GRIK2: variants seen among roughly 807,000 people sequenced by gnomAD.
GRIK2 encodes glutamate ionotropic receptor kainate type subunit 2.
A neutral mutation model predicts 100.3 loss-of-function variants in GRIK2; 32 were observed. That is an observed-to-expected ratio of 0.32 (90% CI 0.24 to 0.43). The LOEUF (loss-of-function observed/expected upper bound fraction) is 0.43, where lower values mean the gene tolerates loss of function less well. GRIK2 is among the 20% of genes least tolerant of loss of function. The pLI, the probability that GRIK2 is intolerant of heterozygous loss-of-function variation, is 1.00. For missense variants in GRIK2, 843 were observed against 1,114.9 expected (o/e 0.76, Z 3.47); for synonymous variants, 417 against 389.4 (o/e 1.07, Z -0.83).
intron 11 of GRIK2, among the ~76,000 whole-genome samples, chr6:101,877,000 T>G (rs1785897828): frequency 6.6e-6 from 1 of 151,948 alleles, no homozygotes; most frequent in Admixed American, 6.6e-5. Context: ...GTATGTAATA[T>G]GCATACAAAT....
chr6:101,454,591 A>G (rs566592656), intron 2 of GRIK2, among the ~76,000 whole-genome samples: 1 of 152,276 alleles, frequency 6.6e-6, no homozygotes, highest in African/African-American at 2.4e-5. Context: ...TCCAGCCATG[A>G]GACTGCTTGT....
intron 9 of GRIK2, among the ~76,000 whole-genome samples, chr6:101,812,643 G>T (rs1240415483): frequency 2.0e-5 from 3 of 151,868 alleles, no homozygotes; most frequent in Admixed American, 2.0e-4. Flanking sequence ...CATCCGTAGG[G>T]AATTAGTTTT....
intron 2 of GRIK2, among the ~76,000 whole-genome samples, chr6:101,590,066 A>C (rs1465876703): frequency 6.6e-6 from 1 of 152,138 alleles, no homozygotes; most frequent in Non-Finnish European, 1.5e-5. Flanking sequence ...CTCAGGATAC[A>C]TTTAGGCATA....
intron 2 of GRIK2, among the ~76,000 whole-genome samples, chr6:101,550,703 C>G (rs1228644508): frequency 6.6e-6 from 1 of 152,192 alleles, no homozygotes; most frequent in Non-Finnish European, 1.5e-5. Context: ...TTTTACCTTT[C>G]TAGTCAACAG....
At chr6:102,012,665 G>C (rs929015549) in intron 14 of GRIK2, among the ~76,000 whole-genome samples, 1 of 152,104 alleles carries the variant, frequency 6.6e-6, no homozygotes, top group Non-Finnish European at 1.5e-5. Context: ...TGCTATATAG[G>C]AAAGTAACTA....
intron 2 of GRIK2, among the ~76,000 whole-genome samples, chr6:101,593,828 G>A (rs867736850): frequency 6.6e-6 from 1 of 151,768 alleles, no homozygotes; most frequent in Non-Finnish European, 1.5e-5. Flanking sequence ...ACATCTGGGG[G>A]ATATTTCTTT....
chr6:101,859,400 A>G lies in GRIK2; in HGVS notation c.1431A>G (p.Thr477=), dbSNP rs1784613359. Residue 477 remains threonine, a synonymous_variant, in exon 11 of 17, where the codon ACA becomes ACG. Transcript: ENST00000369134. ...AGTTATCTACAATCCTTGGCTTTAC[A>G]TATGAAATTAGACTTGTGGAAGATG... ...LRELSTILGF[T]YEIRLVEDGK... 6.2e-7 allele frequency: 1 copy of G among 1,604,714 alleles called. No individual in the cohort carries two copies. Among genetic ancestry groups the G allele is most frequent in the African/African-American group, 1.3e-5 (1 of 74,874 alleles).
At chr6:101,519,300 CGTGTGTGTGTGTGTGTGTGTGT>C (rs55646921) in intron 2 of GRIK2, among the ~76,000 whole-genome samples, 5 of 141,064 alleles carry the variant, frequency 3.5e-5, no homozygotes, top group African/African-American at 1.3e-4. Context: ...CGGAGTTAAA[CGTGTGTGTGTGTGTGTGTGTGT>C]GTGTGTGTGT....
chr6:102,063,942 A>AT, intron 16 of GRIK2: 1 of 1,164,904 alleles, frequency 8.6e-7, no homozygotes, highest in Non-Finnish European at 1.3e-6. Flanking sequence ...CAGCTCAAAG[A>AT]TTTAAATTTT....
intron 7 of GRIK2, among the ~76,000 whole-genome samples, chr6:101,771,494 G>T (rs1167865270): frequency 6.6e-6 from 1 of 150,586 alleles, no homozygotes; most frequent in Non-Finnish European, 1.5e-5. Context: ...GCAATTTTTT[G>T]AATTTTTATT....
chr6:101,571,804 T>A (rs1201279639), intron 2 of GRIK2, among the ~76,000 whole-genome samples: 1 of 152,104 alleles, frequency 6.6e-6, no homozygotes, highest in African/African-American at 2.4e-5. Context: ...GAATAATTAA[T>A]AATATAAAAG....
chr6:101,810,218 T>C (rs978354790), intron 9 of GRIK2, among the ~76,000 whole-genome samples: 1 of 151,998 alleles, frequency 6.6e-6, no homozygotes, highest in Non-Finnish European at 1.5e-5. Context: ...TATTTTCATA[T>C]TTGGGAACAT....
chr6:101,556,321 A>ATTTTTTTTTTTTTTTTTTT lies in GRIK2; in HGVS notation c.116-65615_116-65597dup, dbSNP rs10528480. ...AATTGCACTATGTAATATATTGGTA[A>ATTTTTTTTTTTTTTTTTTT]TTTTTTTTTTTTTTTTTTTTTTTTT... On this transcript the variant is annotated intron_variant, in intron 2 of 16. Transcript: ENST00000369134. Among the ~76,000 whole-genome samples the ATTTTTTTTTTTTTTTTTTT allele has an allele frequency of 3.3e-3, 195 of 59,376 alleles. 39 individuals carry two copies. Among genetic ancestry groups the ATTTTTTTTTTTTTTTTTTT allele is most frequent in the Non-Finnish European group, 5.0e-3 (136 of 27,402 alleles). The allele number at this position is 59,376 out of a possible 152,430, so 39.0% of individuals were successfully genotyped here. A position where few individuals can be genotyped will look rare whatever the true frequency, so the allele number is the denominator to read the frequency against.
At chr6:101,508,030 T>C (rs1329704204) in intron 2 of GRIK2, among the ~76,000 whole-genome samples, 1 of 152,096 alleles carries the variant, frequency 6.6e-6, no homozygotes, top group Non-Finnish European at 1.5e-5. Flanking sequence ...AGTAGGAAAT[T>C]TAGACAATTA....
At chr6:101,531,325 C>T (rs907935651) in intron 2 of GRIK2, among the ~76,000 whole-genome samples, 2 of 151,908 alleles carry the variant, frequency 1.3e-5, no homozygotes, top group East Asian at 3.9e-4. Context: ...GACCAGGTCT[C>T]ATCGTATATA....
intron 2 of GRIK2, among the ~76,000 whole-genome samples, chr6:101,483,115 T>G (rs576887307): frequency 1.3e-5 from 2 of 152,342 alleles, no homozygotes; most frequent in African/African-American, 4.8e-5. Flanking sequence ...GTCTTACTTT[T>G]TTTTAAATCA....
intron 15 of GRIK2, among the ~76,000 whole-genome samples, chr6:102,047,218 A>G (rs1231890155): frequency 6.6e-6 from 1 of 152,084 alleles, no homozygotes; most frequent in Non-Finnish European, 1.5e-5. Context: ...GAACAGAAAT[A>G]CATCAAACAG....
rs190447915 is a variant in GRIK2, at chr6:101,602,684, G to C, written c.116-19265G>C. On this transcript the variant is annotated intron_variant, in intron 2 of 16. Coordinates refer to ENST00000369134, the MANE Select transcript of GRIK2 (RefSeq NM_021956.5). ...AGGTCTATGTTTCAGTGCCTGGATTGGAGTCAAGCAACTCAGAATACTTTT... is the reference window on the plus strand; with the variant it reads ...AGGTCTATGTTTCAGTGCCTGGATTCGAGTCAAGCAACTCAGAATACTTTT... Among the ~76,000 whole-genome samples the C allele has an allele frequency of 2.5e-3, 375 of 151,542 alleles. 1 individual carries two copies. Among genetic ancestry groups the C allele is most frequent in the African/African-American group, 8.4e-3 (350 of 41,436 alleles).
At chr6:101,912,724 A>T (rs1788828829) in intron 12 of GRIK2, among the ~76,000 whole-genome samples, 1 of 151,356 alleles carries the variant, frequency 6.6e-6, no homozygotes, top group African/African-American at 2.4e-5. Context: ...ACTTTTTCTG[A>T]GTGCTGTTTC....
Sources: gnomAD v4.1 joint callset for allele counts (sites outside exome capture counted in the v4.1 genomes callset) on GRCh38, gnomAD v4.1.1 for gene constraint, MANE v1.5 for transcripts, NCBI Gene and HGNC (gene_info 2026-07-23, HGNC 2026-07-21) for gene names.